MYT1L: variants seen among roughly 807,000 people sequenced by gnomAD.
The protein encoded by MYT1L is myelin transcription factor 1-like protein.
A neutral mutation model predicts 126.7 loss-of-function variants in MYT1L; 12 were observed. The ratio of observed to expected loss-of-function variants is 0.09; its 90% CI spans 0.06 to 0.15. The LOEUF is 0.15. Ranked by LOEUF, MYT1L falls within the 10% of genes least tolerant of loss-of-function variation. MYT1L has a pLI of 1.00. For synonymous variants in MYT1L, 541 were observed against 604.2 expected (o/e 0.90, Z 1.53); for missense variants, 979 against 1,585.2 (o/e 0.62, Z 6.49).
chr2:2,291,645 C>A (rs565236477), intron 1 of MYT1L, among the ~76,000 whole-genome samples: 3 of 152,290 alleles, frequency 2.0e-5, no homozygotes, highest in South Asian at 4.1e-4. Flanking sequence ...TGAGTCCCGG[C>A]GCCGTGGCCT....
At chr2:1,893,965 G>A (rs993876660) in intron 14 of MYT1L, among the ~76,000 whole-genome samples, 8 of 152,196 alleles carry the variant, frequency 5.3e-5, no homozygotes, top group Admixed American at 3.9e-4. Flanking sequence ...GGCTGTCTTC[G>A]TCTCAGCCTC....
At chr2:1,873,432 C>T (rs1476349474) in intron 18 of MYT1L, among the ~76,000 whole-genome samples, 3 of 152,172 alleles carry the variant, frequency 2.0e-5, no homozygotes, top group Non-Finnish European at 2.9e-5. Context: ...GCCAGCGCCT[C>T]CGAGGCTGTA....
chr2:1,801,563 G>A lies in MYT1L; in HGVS notation c.3276+133C>T, dbSNP rs2034870042. 7.8e-6 allele frequency: 5 copies of A among 644,514 alleles called. No individual in the cohort carries two copies. The highest frequency in any genetic ancestry group is 1.4e-5 in the Non-Finnish European group (5 of 365,648). The allele number at this position is 644,514 out of a possible 1,614,324, so 39.9% of individuals were successfully genotyped here. ...TGTCTGCGGAAGACCAATATCATAA[G>A]GTGGAAAAATAAAGGAAATAAAAGA... On this transcript the variant is annotated intron_variant, in intron 23 of 24. Coordinates refer to ENST00000647738, the MANE Select transcript of MYT1L (RefSeq NM_001303052.2). The surrounding 1 kb of genome is among the most constrained non-coding windows in gnomAD (Gnocchi z 4.2).
At chr2:2,195,744 A>G (rs1049575670) in intron 2 of MYT1L, among the ~76,000 whole-genome samples, 4 of 152,214 alleles carry the variant, frequency 2.6e-5, no homozygotes, top group Admixed American at 2.6e-4. Context: ...ATTAAAAACT[A>G]TAATAATTGA....
intron 8 of MYT1L, among the ~76,000 whole-genome samples, chr2:1,961,070 T>G (rs953760939): frequency 2.0e-5 from 3 of 152,236 alleles, no homozygotes; most frequent in Admixed American, 2.0e-4. Context: ...GGAATACATT[T>G]TTAGCAATCT....
intron 3 of MYT1L, among the ~76,000 whole-genome samples, chr2:2,104,315 T>C (rs185393982): frequency 1.3e-5 from 2 of 152,342 alleles, no homozygotes; most frequent in African/African-American, 4.8e-5. Flanking sequence ...TTGATGATGA[T>C]AAGATACTTT....
intron 4 of MYT1L, among the ~76,000 whole-genome samples, chr2:2,024,105 C>G (rs2065298064): frequency 1.3e-5 from 2 of 152,142 alleles, no homozygotes; most frequent in African/African-American, 4.8e-5. Flanking sequence ...TTTATCTTGA[C>G]TATAATCTAA....
intron 18 of MYT1L, among the ~76,000 whole-genome samples, chr2:1,860,874 A>G (rs1277037141): frequency 2.6e-5 from 4 of 152,098 alleles, no homozygotes; most frequent in Non-Finnish European, 5.9e-5. Context: ...CTGCCTCGAC[A>G]GCACCAATTT....
intron 4 of MYT1L, among the ~76,000 whole-genome samples, chr2:2,005,975 TGTTCTTTCCTGCATGC>T (rs1558713037): frequency 2.1e-5 from 3 of 143,584 alleles, no homozygotes; most frequent in East Asian, 4.2e-4. Flanking sequence ...TTCCTGCAGG[TGTTCTTTCCTGCATGC>T]GTTCTTTCCT....
At position 1,891,735 on chromosome 2, in the gene MYT1L, G is replaced by A. The variant is rs542590239; in HGVS notation, c.2283+302C>T. Among the ~76,000 whole-genome samples, 4 of 152,292 alleles carry A rather than the reference G, an allele frequency of 2.6e-5. No individual in the cohort carries two copies. In the South Asian group the frequency reaches 8.3e-4, roughly 32 times the overall value. ...TCACTGGAGACCACAGGAGGCCCAC[G>A]TGGTGTCCTTTGTTTACAGAAATGC... On this transcript the variant is annotated intron_variant, in intron 15 of 24. Transcript: ENST00000647738.
chr2:1,856,388 A>T (rs1213777105), intron 18 of MYT1L, among the ~76,000 whole-genome samples: 1 of 152,218 alleles, frequency 6.6e-6, no homozygotes, highest in Non-Finnish European at 1.5e-5. Flanking sequence ...AACATAAAAG[A>T]AGAGCTCGAA....
At chr2:2,286,192 AG>A (rs1307739144) in intron 1 of MYT1L, among the ~76,000 whole-genome samples, 1 of 152,166 alleles carries the variant, frequency 6.6e-6, no homozygotes, top group Non-Finnish European at 1.5e-5. Flanking sequence ...CATGTTGGTC[AG>A]GCTGGTCTTG....
chr2:1,828,154 T>G (rs2039625710), intron 21 of MYT1L: 1 of 152,100 alleles, frequency 6.6e-6, no homozygotes. Flanking sequence ...TTTACCTGTG[T>G]TGTGTAAAAA....
At chr2:1,905,545 G>C (rs905508273) in intron 13 of MYT1L, among the ~76,000 whole-genome samples, 1 of 151,592 alleles carries the variant, frequency 6.6e-6, no homozygotes, top group African/African-American at 2.4e-5. Context: ...GTGGAGACAG[G>C]GTTTCACCAT....
chr2:2,104,527 G>A (rs908355895), intron 3 of MYT1L, among the ~76,000 whole-genome samples: 6 of 152,246 alleles, frequency 3.9e-5, no homozygotes, highest in Non-Finnish European at 5.9e-5. Context: ...GCTGGAGAAC[G>A]GCACAAGGCG....
chr2:1,983,418 C>A (rs1292741430), intron 5 of MYT1L, among the ~76,000 whole-genome samples: 2 of 152,214 alleles, frequency 1.3e-5, no homozygotes, highest in African/African-American at 2.4e-5. Flanking sequence ...ATTTACATAG[C>A]TGTTTAATAA....
At chr2:1,946,776 T>C (rs1034018702) in intron 8 of MYT1L, among the ~76,000 whole-genome samples, 1 of 152,174 alleles carries the variant, frequency 6.6e-6, no homozygotes, top group African/African-American at 2.4e-5. Flanking sequence ...GAGGGGATAA[T>C]CTGAGATAAT....
intron 4 of MYT1L, among the ~76,000 whole-genome samples, chr2:2,006,033 T>C (rs1313419719): frequency 6.6e-6 from 1 of 150,420 alleles, no homozygotes; most frequent in Admixed American, 6.6e-5. Context: ...CGTTCTTTCC[T>C]GCAGGTGTTC....
At chr2:2,326,100 G>A (rs1280040491) in intron 1 of MYT1L, 3 of 152,234 alleles carry the variant, frequency 2.0e-5, no homozygotes, top group Admixed American at 6.5e-5. Flanking sequence ...TCTCACCCAC[G>A]CAGGGCTCTG....
Sources: allele counts gnomAD v4.1 joint callset (sites outside exome capture counted in the v4.1 genomes callset), GRCh38; gene constraint gnomAD v4.1.1; non-coding constraint Gnocchi (gnomAD v3.1); transcripts MANE v1.5; gene names NCBI Gene and HGNC (gene_info 2026-07-23, HGNC 2026-07-21).